The following TOLLIP variants were observed in gnomAD, a reference collection of about 807,000 sequenced individuals.
TOLLIP encodes the protein toll interacting protein, also known as toll-interacting protein.
A neutral mutation model predicts 33.5 loss-of-function variants in TOLLIP; 16 were observed. The ratio of observed to expected loss-of-function variants is 0.48; its 90% CI spans 0.32 to 0.72. TOLLIP has a LOEUF of 0.72. Ranked by LOEUF, TOLLIP falls within the 30% of genes least tolerant of loss-of-function variation. The pLI is 0.03. For synonymous variants in TOLLIP, 176 were observed against 163.7 expected, an observed-to-expected ratio of 1.07 and a Z score of -0.57; for missense variants, 325 against 396.6, an observed-to-expected ratio of 0.82 and a Z score of 1.53.
At chr11:1,287,853 C>T (rs1350834227) in intron 4 of TOLLIP, among the ~76,000 whole-genome samples, 1 of 141,364 alleles carries the variant, frequency 7.1e-6, no homozygotes, top group Non-Finnish European at 1.5e-5. Context: ...GCCTCCCTGC[C>T]GCACCCTCTC....
At chr11:1,280,775 G>A (rs992964309) in intron 5 of TOLLIP, among the ~76,000 whole-genome samples, 4 of 152,132 alleles carry the variant, frequency 2.6e-5, no homozygotes, top group Non-Finnish European at 4.4e-5. Flanking sequence ...AGAGGACAGC[G>A]CGGCCGGCAC....
Position 1,285,635 on chromosome 11 carries a change from C to T in TOLLIP, c.610+367G>A, listed in dbSNP as rs185537236. 7.2e-4 allele frequency among the ~76,000 whole-genome samples: 110 copies of T among 152,244 alleles called. 1 individual carries two copies. Among genetic ancestry groups the T allele is most frequent in the African/African-American group, 2.6e-3 (106 of 41,544 alleles). ...ACCCAATGGGCGTGAGGTTCGGACA[C>T]GACGGCACAGTGCAGAGCACGTGTC... On this transcript the variant is annotated intron_variant, in intron 5 of 5. Coordinates refer to ENST00000317204, the MANE Select transcript of TOLLIP (RefSeq NM_019009.4).
intron 1 of TOLLIP, among the ~76,000 whole-genome samples, chr11:1,297,985 C>T (rs1012450540): frequency 2.0e-5 from 3 of 152,218 alleles, no homozygotes; most frequent in South Asian, 2.1e-4. Context: ...GCTCTCTCCC[C>T]GGGGGACACC....
intron 5 of TOLLIP, among the ~76,000 whole-genome samples, chr11:1,280,221 C>T (rs992016851): frequency 6.6e-6 from 1 of 152,210 alleles, no homozygotes. Context: ...ATTCCACGTG[C>T]GAGGGGAAGC....
chr11:1,285,098 T>A (rs1863644267), intron 5 of TOLLIP, among the ~76,000 whole-genome samples: 1 of 150,268 alleles, frequency 6.7e-6, no homozygotes, highest in Non-Finnish European at 1.5e-5. Flanking sequence ...AAGCAGCCCC[T>A]GAGCACAAGC....
At position 1,276,945 on chromosome 11, in the gene TOLLIP, C is replaced by A. The variant is rs995756434; in HGVS notation, c.*94G>T. 14 of 1,581,866 alleles carry A rather than the reference C, an allele frequency of 8.9e-6. No individual in the cohort carries two copies. The highest frequency in any genetic ancestry group is 1.3e-5 in the African/African-American group (1 of 74,526). ...CACGGGAGGGGGCGACACGGGTGCT[C>A]TTTCACGGGAATCTTGTTGGGACAG... On this transcript the variant is annotated 3_prime_UTR_variant, in exon 6 of 6. Transcript: ENST00000317204.
At chr11:1,306,325 C>G (rs1864421759) in intron 1 of TOLLIP, 1 of 152,232 alleles carries the variant, frequency 6.6e-6, no homozygotes, top group Non-Finnish European at 1.5e-5. Flanking sequence ...GACAAAAGAA[C>G]CCTCCCAGGA....
chr11:1,292,094 T>G (rs1255589901), intron 2 of TOLLIP: 1 of 152,290 alleles, frequency 6.6e-6, no homozygotes, highest in Non-Finnish European at 1.5e-5. Context: ...TACTCCGGAA[T>G]GCTATGGAGT....
At chr11:1,295,923 C>T in intron 1 of TOLLIP, 129 bp from the exon 2 acceptor site, 1 of 1,219,134 alleles carries the variant, frequency 8.2e-7, no homozygotes, top group Non-Finnish European at 1.1e-6. Flanking sequence ...GGACTGTGCT[C>T]AGCCTCAGTT....
chr11:1,285,936 C>A, intron 5 of TOLLIP, 66 bp downstream of exon 5: 1 of 1,345,228 alleles, frequency 7.4e-7, no homozygotes, highest in Non-Finnish European at 1.0e-6. Context: ...TTCCCTCCTC[C>A]CGCACCTGCC....
At chr11:1,279,404 C>T (rs1471181433) in intron 5 of TOLLIP, among the ~76,000 whole-genome samples, 1 of 152,356 alleles carries the variant, frequency 6.6e-6, no homozygotes, top group South Asian at 2.1e-4. Context: ...CCATCAAGCC[C>T]TCCGGGAACG....
At chr11:1,286,984 C>T (rs191810125) in intron 4 of TOLLIP, among the ~76,000 whole-genome samples, 81 of 152,066 alleles carry the variant, frequency 5.3e-4, no homozygotes, top group East Asian at 1.2e-3. Flanking sequence ...CACTGCACCG[C>T]GGTTGTCTCT....
Position 1,277,140 on chromosome 11 carries a change from G to A in TOLLIP, c.724C>T (p.Pro242Ser). Residue 242 changes from proline (P) to serine (S), a missense_variant, in exon 6 of 6, where the codon CCC (proline) becomes TCC (serine). By Grantham distance (74) the Pro-to-Ser change is moderately conservative. Coordinates refer to ENST00000317204, the MANE Select transcript of TOLLIP (RefSeq NM_019009.4). This position sits in a 1 kb window ranked among gnomAD's most constrained non-coding sequence, Gnocchi z 4.2. The stretch of plus-strand genomic sequence containing the variant: ...CGGATCACCTCCTGGTCCATGTTGG[G>A]GAACATGTCCTGGATGGCTTTCAGG... Reference protein sequence around the residue: ...EDLKAIQDMFPNMDQEVIRSV... With the variant: ...EDLKAIQDMFSNMDQEVIRSV... The A allele has an allele frequency of 2.5e-6, 4 of 1,614,042 alleles. No individual in the cohort carries two copies. The highest frequency in any genetic ancestry group is 3.4e-6 in the Non-Finnish European group (4 of 1,179,920).
At chr11:1,285,576 T>C (rs1271593340) in intron 5 of TOLLIP, among the ~76,000 whole-genome samples, 3 of 151,828 alleles carry the variant, frequency 2.0e-5, no homozygotes, top group Non-Finnish European at 4.4e-5. Context: ...GAGCGTGAGG[T>C]TCAGACACAA....
Position 1,290,509 on chromosome 11 carries a change from TC to T in TOLLIP, c.184-101del. 1 of 1,105,586 alleles carries T rather than the reference TC, an allele frequency of 9.0e-7. No homozygotes were observed. The highest frequency in any genetic ancestry group is 2.4e-4 in the Middle Eastern group (1 of 4,204). 68.5% of individuals were successfully genotyped at this position (1,105,586 alleles called of 1,614,324 possible). A position where few individuals can be genotyped will look rare whatever the true frequency, so the allele number is the denominator to read the frequency against. On this transcript the variant is annotated intron_variant, in intron 2 of 5. Transcript: ENST00000317204. The surrounding 1 kb of genome is among the most constrained non-coding windows in gnomAD (Gnocchi z 4.9). ...CCCTGAACCCTTCCACGAGGCCTTTTCCTAACACATAGACTACAGCCACTCA... is the reference window on the plus strand; with the variant it reads ...CCCTGAACCCTTCCACGAGGCCTTTTCTAACACATAGACTACAGCCACTCA...
Position 1,277,324 on chromosome 11 carries a change from G to A in TOLLIP, c.611-71C>T. 2 of 1,304,750 alleles carry A rather than the reference G, an allele frequency of 1.5e-6. No homozygotes were observed. Among genetic ancestry groups the A allele is most frequent in the Non-Finnish European group, 2.1e-6 (2 of 965,182 alleles). 80.8% of individuals were successfully genotyped at this position (1,304,750 alleles called of 1,614,324 possible). On this transcript the variant is annotated intron_variant, in intron 5 of 5. Coordinates refer to ENST00000317204, the MANE Select transcript of TOLLIP (RefSeq NM_019009.4). This position sits in a 1 kb window ranked among gnomAD's most constrained non-coding sequence, Gnocchi z 4.2. The stretch of plus-strand genomic sequence containing the variant: ...AAGTGCCACACTAGCTCCTGCTGAA[G>A]GAAGAAAACAACGCATCCCACCGGC...
chr11:1,287,170 G>A (rs1863736269), intron 4 of TOLLIP, among the ~76,000 whole-genome samples: 1 of 152,212 alleles, frequency 6.6e-6, no homozygotes, highest in African/African-American at 2.4e-5. Context: ...CTGCGGATAA[G>A]TCACTGCACC....
rs1723158628 is a variant in TOLLIP at position 1,290,737 on chromosome 11, TGAG to T, written c.184-331_184-329del. On this transcript the variant is annotated intron_variant, in intron 2 of 5. Transcript: ENST00000317204. This position sits in a 1 kb window ranked among gnomAD's most constrained non-coding sequence, Gnocchi z 4.9. Reference sequence around the variant, plus strand: ...CTCTAATGCCCTCCTCAGAAGTGGCTGAGGAGGGAAAGAGGAGGAGGTCCCGGG... The same window carrying T: ...CTCTAATGCCCTCCTCAGAAGTGGCTGAGGGAAAGAGGAGGAGGTCCCGGG... Among the ~76,000 whole-genome samples the T allele has an allele frequency of 6.6e-6, 1 of 152,000 alleles. No homozygotes were observed. Among genetic ancestry groups the T allele is most frequent in the African/African-American group, 2.4e-5 (1 of 41,362 alleles).
rs571289887 is a variant in TOLLIP, at chr11:1,276,902, C to T, written c.*137G>A. 34 of 1,557,232 alleles carry T rather than the reference C, an allele frequency of 2.2e-5. No homozygotes were observed. The highest frequency in any genetic ancestry group is 1.7e-4 in the Middle Eastern group (1 of 5,878). On this transcript the variant is annotated 3_prime_UTR_variant, in exon 6 of 6. Coordinates refer to ENST00000317204, the MANE Select transcript of TOLLIP (RefSeq NM_019009.4). Reference sequence around the variant, plus strand: ...ACATGCACCCAAGAACAGGTGTGGACGGGGCGGCACAGAAGTCCACGGGAG... The same window carrying T: ...ACATGCACCCAAGAACAGGTGTGGATGGGGCGGCACAGAAGTCCACGGGAG...
Sources: gnomAD v4.1 joint callset for allele counts (sites outside exome capture counted in the v4.1 genomes callset) on GRCh38, gnomAD v4.1.1 for gene constraint, Gnocchi (gnomAD v3.1) non-coding constraint, MANE v1.5 for transcripts, NCBI Gene and HGNC (gene_info 2026-07-23, HGNC 2026-07-21) for gene names.